The following MLLT1 variants were observed in gnomAD, a reference collection of about 807,000 sequenced individuals.
MLLT1 encodes MLLT1 super elongation complex subunit.
MLLT1 carries 11 observed loss-of-function variants against 55.1 expected under a neutral mutation model. The ratio of observed to expected loss-of-function variants is 0.20; its 90% confidence interval spans 0.13 to 0.33. The LOEUF (loss-of-function observed/expected upper bound fraction) is 0.33, where lower values mean the gene tolerates loss of function less well. Among genes scored for constraint, MLLT1 ranks in the 10% least tolerant of loss-of-function variants. MLLT1 has a pLI of 1.00. For missense variants in MLLT1, 536 were observed against 760.6 expected, an observed-to-expected ratio of 0.70 and a Z score of 3.47; for synonymous variants, 323 against 320.1, an observed-to-expected ratio of 1.01 and a Z score of -0.10.
At chr19:6,278,377 T>C (rs1370940311) in intron 1 of MLLT1, among the ~76,000 whole-genome samples, 1 of 152,054 alleles carries the variant, frequency 6.6e-6, no homozygotes, top group Non-Finnish European at 1.5e-5. Flanking sequence ...GGCCTCGTGT[T>C]TATGAGAACC....
intron 3 of MLLT1, among the ~76,000 whole-genome samples, chr19:6,245,125 G>C (rs2091154757): frequency 6.6e-6 from 1 of 152,144 alleles, no homozygotes; most frequent in Non-Finnish European, 1.5e-5. Flanking sequence ...AGGATCACTT[G>C]AGGCTGGGGG....
At position 6,256,782 on chromosome 19, in the gene MLLT1, C is replaced by T. The variant is rs781353629; in HGVS notation, c.276+5446G>A. 8.5e-5 allele frequency among the ~76,000 whole-genome samples: 13 copies of T among 152,200 alleles called. No homozygotes were observed. Among genetic ancestry groups the T allele is most frequent in the Non-Finnish European group, 1.3e-4 (9 of 67,994 alleles). On this transcript the variant is annotated intron_variant, in intron 3 of 11. Transcript: ENST00000252674. The surrounding 1 kb of genome is among the most constrained non-coding windows in gnomAD (Gnocchi z 4.1). Reference sequence around the variant, plus strand: ...ATAAAATAAAATAAAATAAAAATAACCTTCCTATACAACTACAGTCATCAA... The same window carrying T: ...ATAAAATAAAATAAAATAAAAATAATCTTCCTATACAACTACAGTCATCAA...
chr19:6,273,621 C>A lies in MLLT1; in HGVS notation c.13-2862G>T, dbSNP rs149428371. Among the ~76,000 whole-genome samples the A allele has an allele frequency of 6.6e-6, 1 of 152,230 alleles. No homozygotes were observed. Among genetic ancestry groups the A allele is most frequent in the African/African-American group, 2.4e-5 (1 of 41,466 alleles). ...GCCATGACCACCCTCTATGCTTACA[C>A]GCCTGCGCCTCTGCCTTTTTCGCTA... On this transcript the variant is annotated intron_variant, in intron 1 of 11. Coordinates refer to ENST00000252674, the MANE Select transcript of MLLT1 (RefSeq NM_005934.4). This position sits in a 1 kb window ranked among gnomAD's most constrained non-coding sequence, Gnocchi z 4.3.
intron 1 of MLLT1, among the ~76,000 whole-genome samples, chr19:6,274,400 G>A (rs995566151): frequency 3.3e-5 from 5 of 152,156 alleles, no homozygotes; most frequent in African/African-American, 1.2e-4. Context: ...ACACCACCTG[G>A]ACTCTTTCCT....
chr19:6,265,399 A>G (rs1364025949), intron 2 of MLLT1, among the ~76,000 whole-genome samples: 2 of 152,168 alleles, frequency 1.3e-5, no homozygotes, highest in Non-Finnish European at 2.9e-5. Flanking sequence ...GGCTGGGTGC[A>G]GTGGCTCCCG....
At chr19:6,268,444 G>C (rs1167352342) in intron 2 of MLLT1, among the ~76,000 whole-genome samples, 1 of 152,238 alleles carries the variant, frequency 6.6e-6, no homozygotes, top group Non-Finnish European at 1.5e-5. Flanking sequence ...GGGCTAGGAA[G>C]ACAGCCCCGG....
At chr19:6,220,411 G>T (rs1170335225) in intron 6 of MLLT1, among the ~76,000 whole-genome samples, 1 of 152,246 alleles carries the variant, frequency 6.6e-6, no homozygotes, top group Admixed American at 6.5e-5. Flanking sequence ...TCAGCACGCG[G>T]GGCGCTCTTC....
rs1444887217 is a variant in MLLT1 at position 6,227,061 on chromosome 19, G to C, written c.462C>G (p.Pro154=). The stretch of plus-strand genomic sequence containing the variant: ...TGGGTAACATGGGGTAGTCGGGACT[G>C]GGCCTGGACACCGTGTCTGCTCCTT... ...MPEGADTVSR[P]SPDYPMLPTI... The change falls in exon 5 of 12, where the codon CCC becomes CCG. Residue 154 remains proline, a synonymous_variant. Coordinates refer to ENST00000252674, the MANE Select transcript of MLLT1 (RefSeq NM_005934.4). This position sits in a 1 kb window ranked among gnomAD's most constrained non-coding sequence, Gnocchi z 5.1. The C allele has an allele frequency of 5.0e-6, 8 of 1,606,274 alleles. No homozygotes were observed. The highest frequency in any genetic ancestry group is 6.8e-6 in the Non-Finnish European group (8 of 1,177,028).
rs563381777 is a variant in MLLT1 at position 6,226,815 on chromosome 19, G to C, written c.546+162C>G. 3.3e-5 allele frequency among the ~76,000 whole-genome samples: 5 copies of C among 152,084 alleles called. No individual in the cohort carries two copies. Among genetic ancestry groups the C allele is most frequent in the African/African-American group, 1.2e-4 (5 of 41,460 alleles). ...CTTATTCCTGAAATCCTAGGGAAGC[G>C]GCAGTGCGCAGCGAGGGGTGTGCAG... On this transcript the variant is annotated intron_variant, in intron 5 of 11. Transcript: ENST00000252674. The surrounding 1 kb of genome is among the most constrained non-coding windows in gnomAD (Gnocchi z 6.3).
rs888245338 is a variant in MLLT1 at position 6,229,436 on chromosome 19, C to T, written c.420+1134G>A. 6.6e-6 allele frequency among the ~76,000 whole-genome samples: 1 copy of T among 151,928 alleles called. No homozygotes were observed. Among genetic ancestry groups the T allele is most frequent in the African/African-American group, 2.4e-5 (1 of 41,300 alleles). ...GCCCCATGAGGAGGAAGGAGGACTC[C>T]CCAGCCTGACACCCACAGCCACGGT... On this transcript the variant is annotated intron_variant, in intron 4 of 11. Coordinates refer to ENST00000252674, the MANE Select transcript of MLLT1 (RefSeq NM_005934.4). The surrounding 1 kb of genome is among the most constrained non-coding windows in gnomAD (Gnocchi z 5.2).
Position 6,212,264 on chromosome 19 carries a change from G to A in MLLT1, c.*778C>T, listed in dbSNP as rs1011962477. The A allele has an allele frequency of 3.5e-5, 37 of 1,065,020 alleles. No homozygotes were observed. The East Asian group carries it at 1.3e-3, about 39-fold the overall frequency. 66.0% of individuals were successfully genotyped at this position (1,065,020 alleles called of 1,614,324 possible). On this transcript the variant is annotated 3_prime_UTR_variant, in exon 12 of 12. Transcript: ENST00000252674. ...GTAGTGTTGGCTGACCCCCCCGGGA[G>A]CCCCGGTAGGAGGCGGCGGCATCCT...
intron 3 of MLLT1, among the ~76,000 whole-genome samples, chr19:6,253,182 A>G (rs149973344): frequency 0.026 from 3,758 of 146,100 alleles, 139 homozygotes; most frequent in East Asian, 0.14. Flanking sequence ...AGAGAATGGC[A>G]TGAACCCGGG....
rs542135027 is a variant in MLLT1, at chr19:6,219,548, C to T, written c.1111-1507G>A. ...CAGGCCTTGCTACTCAGAACAAGGCCGTCCTATGTCAGCCTCAGTTTTCCC... is the reference window on the plus strand; with the variant it reads ...CAGGCCTTGCTACTCAGAACAAGGCTGTCCTATGTCAGCCTCAGTTTTCCC... On this transcript the variant is annotated intron_variant, in intron 6 of 11. Transcript: ENST00000252674. The surrounding 1 kb of genome is among the most constrained non-coding windows in gnomAD (Gnocchi z 4.5). Among the ~76,000 whole-genome samples, 1 of 152,258 alleles carries T rather than the reference C, an allele frequency of 6.6e-6. No homozygotes were observed. The highest frequency in any genetic ancestry group is 2.1e-4 in the South Asian group (1 of 4,818).
At chr19:6,250,666 G>A (rs996316845) in intron 3 of MLLT1, among the ~76,000 whole-genome samples, 1 of 152,148 alleles carries the variant, frequency 6.6e-6, no homozygotes, top group African/African-American at 2.4e-5. Context: ...GAACTCTGTG[G>A]ATTTTTTTTC....
chr19:6,251,431 T>C (rs138490499), intron 3 of MLLT1, among the ~76,000 whole-genome samples: 62 of 152,328 alleles, frequency 4.1e-4, no homozygotes, highest in African/African-American at 1.4e-3. Context: ...ACCTCCATGC[T>C]AGACGCCAGA....
At chr19:6,279,171 C>T (rs1296417334) in intron 1 of MLLT1, among the ~76,000 whole-genome samples, 2 of 151,938 alleles carry the variant, frequency 1.3e-5, no homozygotes, top group Admixed American at 6.6e-5. Context: ...CCCAGGGGGC[C>T]GGGGACGCCT....
intron 8 of MLLT1, 54 bp downstream of exon 8, chr19:6,216,351 C>T: frequency 7.6e-7 from 1 of 1,321,870 alleles, no homozygotes; most frequent in Non-Finnish European, 1.1e-6. Context: ...GCAGACCCAG[C>T]CGGAGTCGCC....
chr19:6,248,029 T>C (rs1204069512), intron 3 of MLLT1, among the ~76,000 whole-genome samples: 1 of 152,206 alleles, frequency 6.6e-6, no homozygotes, highest in African/African-American at 2.4e-5. Flanking sequence ...TAGCTGGAAC[T>C]ACAGGCGTGC....
chr19:6,244,826 C>T (rs1250260055), intron 3 of MLLT1, among the ~76,000 whole-genome samples: 11 of 152,026 alleles, frequency 7.2e-5, no homozygotes, highest in Non-Finnish European at 1.3e-4. Context: ...CAAATAAGCA[C>T]ATGAAAACGA....
Sources: gnomAD v4.1 joint callset for allele counts (sites outside exome capture counted in the v4.1 genomes callset) on GRCh38, gnomAD v4.1.1 for gene constraint, Gnocchi (gnomAD v3.1) non-coding constraint, MANE v1.5 for transcripts, NCBI Gene and HGNC (gene_info 2026-07-23, HGNC 2026-07-21) for gene names.